Variants in PHACTR1 observed in about 807,000 individuals in gnomAD.
PHACTR1 encodes RPEL repeat containing 1.
PHACTR1 carries 16 observed loss-of-function variants against 69.2 expected under a neutral mutation model. The ratio of observed to expected loss-of-function variants is 0.23; its 90% CI spans 0.16 to 0.35. The LOEUF (loss-of-function observed/expected upper bound fraction) is 0.35. PHACTR1 is among the 10% of genes least tolerant of loss of function. PHACTR1 has a pLI of 1.00. For missense variants in PHACTR1, 510 were observed against 734.7 expected (o/e 0.69, Z 3.54); for synonymous variants, 312 against 284.5 (o/e 1.10, Z -0.97).
At position 13,235,803 on chromosome 6, in the gene PHACTR1, G is replaced by A. The variant is rs142186362; in HGVS notation, c.1391+5610G>A. Among the ~76,000 whole-genome samples, 354 of 152,292 alleles carry A rather than the reference G, an allele frequency of 2.3e-3. 1 individual carries two copies. The highest frequency in any genetic ancestry group is 8.0e-3 in the African/African-American group (332 of 41,550). On this transcript the variant is annotated intron_variant, in intron 10 of 14. Transcript: ENST00000332995. ...CTACTTGGGACCTCACCTAGGGAAC[G>A]GCTAGCTCTTCAGACCCAACAGAGG...
intron 10 of PHACTR1, among the ~76,000 whole-genome samples, chr6:13,260,642 T>C (rs1290731979): frequency 6.6e-6 from 1 of 152,088 alleles, no homozygotes; most frequent in East Asian, 1.9e-4. Context: ...ATCTCACACT[T>C]GTTAAACAGC....
intron 6 of PHACTR1, among the ~76,000 whole-genome samples, chr6:13,162,099 T>C (rs1223546): frequency 0.18 from 26,570 of 148,520 alleles, 2,925 homozygotes; most frequent in South Asian, 0.46. Context: ...TGTTTTGTTG[T>C]TGTTGTTGTT....
intron 7 of PHACTR1, among the ~76,000 whole-genome samples, chr6:13,193,385 A>ATATATATATATATATAT (rs1561971538): frequency 9.5e-5 from 13 of 136,508 alleles, no homozygotes; most frequent in Non-Finnish European, 1.4e-4. Context: ...ATATATATAT[A>ATATATATATATATATAT]GTTTTGGGGA....
chr6:12,863,508 T>C (rs567190225), intron 4 of PHACTR1, among the ~76,000 whole-genome samples: 1 of 152,322 alleles, frequency 6.6e-6, no homozygotes, highest in African/African-American at 2.4e-5. Context: ...CATAATACTG[T>C]AATATCGAGA....
rs111505934 is a variant in PHACTR1, at chr6:13,152,333, C to CA, written c.416-7858dup. 4.6e-3 allele frequency among the ~76,000 whole-genome samples: 637 copies of CA among 137,692 alleles called. 1 individual carries two copies. The highest frequency in any genetic ancestry group is 8.7e-3 in the African/African-American group (323 of 37,310). The allele number at this position is 137,692 out of a possible 152,430, so 90.3% of individuals were successfully genotyped here. A position where few individuals can be genotyped will look rare whatever the true frequency, so the allele number is the denominator to read the frequency against. Reference sequence around the variant, plus strand: ...TGGGCAACAGAGCAAGACTCCGTCTCAAAAAAAAAAAAATTCATCAATGTC... The same window carrying CA: ...TGGGCAACAGAGCAAGACTCCGTCTCAAAAAAAAAAAAAATTCATCAATGTC... On this transcript the variant is annotated intron_variant, in intron 5 of 14. Coordinates refer to ENST00000332995, the MANE Select transcript of PHACTR1 (RefSeq NM_030948.6).
At chr6:12,973,179 C>A (rs1012715363) in intron 4 of PHACTR1, among the ~76,000 whole-genome samples, 5 of 152,144 alleles carry the variant, frequency 3.3e-5, no homozygotes, top group Admixed American at 6.5e-5. Flanking sequence ...TCTAGAAACC[C>A]TTTGTTTAAA....
chr6:13,081,241 A>G (rs1811325073), intron 5 of PHACTR1, among the ~76,000 whole-genome samples: 3 of 152,184 alleles, frequency 2.0e-5, no homozygotes. Context: ...GTTCTACTAG[A>G]AGATGAACTC....
At chr6:12,747,918 C>T (rs1345372874) in intron 3 of PHACTR1, among the ~76,000 whole-genome samples, 1 of 152,058 alleles carries the variant, frequency 6.6e-6, no homozygotes, top group East Asian at 1.9e-4. Flanking sequence ...CAGATTAACA[C>T]AGAGAACTGG....
At chr6:13,247,512 A>T (rs1464402557) in intron 10 of PHACTR1, among the ~76,000 whole-genome samples, 2 of 152,004 alleles carry the variant, frequency 1.3e-5, no homozygotes, top group African/African-American at 4.8e-5. Flanking sequence ...TGCCTGGCTA[A>T]TTTTTGTATT....
intron 4 of PHACTR1, among the ~76,000 whole-genome samples, chr6:12,824,523 T>G (rs1235779470): frequency 1.3e-5 from 2 of 152,042 alleles, no homozygotes; most frequent in Non-Finnish European, 2.9e-5. Flanking sequence ...CTGCATACTA[T>G]TAAAGAGAAA....
At chr6:13,105,257 T>C (rs189782302) in intron 5 of PHACTR1, among the ~76,000 whole-genome samples, 1 of 152,270 alleles carries the variant, frequency 6.6e-6, no homozygotes, top group African/African-American at 2.4e-5. Context: ...TGCACACCTG[T>C]ACTCCCAGCT....
intron 5 of PHACTR1, among the ~76,000 whole-genome samples, chr6:13,081,457 T>C (rs1231632868): frequency 6.6e-6 from 1 of 152,200 alleles, no homozygotes; most frequent in Admixed American, 6.6e-5. Flanking sequence ...AATATCTCTT[T>C]GCACAATGCC....
chr6:12,768,870 A>G (rs1275635212), intron 4 of PHACTR1, among the ~76,000 whole-genome samples: 2 of 147,612 alleles, frequency 1.4e-5, no homozygotes, highest in Non-Finnish European at 3.0e-5. Flanking sequence ...ACAATGGAAT[A>G]CTATTGAGCC....
chr6:12,780,170 A>C (rs1255679959), intron 4 of PHACTR1, among the ~76,000 whole-genome samples: 2 of 152,140 alleles, frequency 1.3e-5, no homozygotes, highest in Non-Finnish European at 2.9e-5. Context: ...TAAAATTTCA[A>C]ATCTTTGGCA....
intron 4 of PHACTR1, among the ~76,000 whole-genome samples, chr6:12,841,145 A>G (rs528774390): frequency 7.2e-5 from 11 of 152,334 alleles, no homozygotes; most frequent in Non-Finnish European, 1.6e-4. Context: ...TACTTCACTT[A>G]ATCCTCACAG....
chr6:12,913,991 A>C (rs760999327), intron 4 of PHACTR1, among the ~76,000 whole-genome samples: 1 of 151,952 alleles, frequency 6.6e-6, no homozygotes. Flanking sequence ...GTTTTTTGAT[A>C]AGGAGTCTTG....
intron 5 of PHACTR1, among the ~76,000 whole-genome samples, chr6:13,134,353 T>TG (rs1269967983): frequency 6.6e-6 from 1 of 152,126 alleles, no homozygotes; most frequent in African/African-American, 2.4e-5. Context: ...GAGTGGAAGG[T>TG]GGGGAAGTGT....
chr6:12,997,332 T>C (rs1221714430), intron 4 of PHACTR1, among the ~76,000 whole-genome samples: 1 of 147,698 alleles, frequency 6.8e-6, no homozygotes, highest in African/African-American at 2.5e-5. Context: ...AAATATATTT[T>C]ATATATATAA....
intron 3 of PHACTR1, among the ~76,000 whole-genome samples, chr6:12,720,182 G>A (rs532533585): frequency 6.6e-6 from 1 of 152,262 alleles, no homozygotes; most frequent in Admixed American, 6.5e-5. Context: ...AGGGGGTGGG[G>A]GATGAAGTTA....
Sources: allele counts gnomAD v4.1 joint callset (sites outside exome capture counted in the v4.1 genomes callset), GRCh38; gene constraint gnomAD v4.1.1; transcripts MANE v1.5; gene names NCBI Gene and HGNC (gene_info 2026-07-23, HGNC 2026-07-21).